LNX1: variants seen among roughly 807,000 people sequenced by gnomAD.
LNX1 encodes the protein ligand of numb-protein X 1, also known as E3 ubiquitin-protein ligase LNX.
Under a neutral mutation model 68.4 loss-of-function variants are expected in LNX1, and 54 were observed. The observed-to-expected ratio is 0.79, with a 90% CI of 0.63 to 0.99. LNX1 has a LOEUF of 0.99. Ranked by LOEUF, LNX1 falls within the 50% of genes least tolerant of loss-of-function variation. The pLI is 0.00. For synonymous variants in LNX1, 336 were observed against 350.0 expected, an observed-to-expected ratio of 0.96 and a Z score of 0.45; for missense variants, 906 against 926.4, an observed-to-expected ratio of 0.98 and a Z score of 0.29.
chr4:53,532,095 T>C (rs532379043), intron 2 of LNX1, among the ~76,000 whole-genome samples: 1 of 152,342 alleles, frequency 6.6e-6, no homozygotes, highest in South Asian at 2.1e-4. Flanking sequence ...TATTTCTAAA[T>C]ACAACTATGC....
chr4:53,477,492 A>T (rs538211917), intron 8 of LNX1, among the ~76,000 whole-genome samples: 1 of 152,170 alleles, frequency 6.6e-6, no homozygotes, highest in Non-Finnish European at 1.5e-5. Flanking sequence ...AAACATTTTC[A>T]TTGCTAAGGT....
intron 2 of LNX1, among the ~76,000 whole-genome samples, chr4:53,548,900 T>C (rs1349504708): frequency 6.6e-6 from 1 of 152,236 alleles, no homozygotes; most frequent in Non-Finnish European, 1.5e-5. Flanking sequence ...TGGAGGCTAC[T>C]ATCCTTAGCA....
intron 2 of LNX1, among the ~76,000 whole-genome samples, chr4:53,564,372 C>T (rs1730496911): frequency 3.3e-5 from 5 of 152,190 alleles, no homozygotes; most frequent in Admixed American, 3.3e-4. Flanking sequence ...ACCCTCAGAT[C>T]CACACACCAT....
chr4:53,486,579 G>A (rs1184836687), intron 6 of LNX1, among the ~76,000 whole-genome samples: 5 of 152,098 alleles, frequency 3.3e-5, no homozygotes, highest in Non-Finnish European at 7.3e-5. Context: ...CCTACTGCAG[G>A]GACAGTCAGA....
chr4:53,464,322 T>C (rs1722480206), intron 9 of LNX1, among the ~76,000 whole-genome samples: 1 of 152,080 alleles, frequency 6.6e-6, no homozygotes, highest in South Asian at 2.1e-4. Flanking sequence ...ATCAGGTACC[T>C]CTCAGTCTGT....
chr4:53,563,975 G>A (rs1311655981), intron 2 of LNX1, among the ~76,000 whole-genome samples: 2 of 152,256 alleles, frequency 1.3e-5, no homozygotes, highest in African/African-American at 4.8e-5. Flanking sequence ...AAGCAGAAGT[G>A]TGGAGGCTTG....
intron 1 of LNX1, among the ~76,000 whole-genome samples, chr4:53,631,895 C>T (rs967442144): frequency 2.6e-5 from 4 of 151,614 alleles, no homozygotes; most frequent in Non-Finnish European, 5.9e-5. Context: ...ATCCTTGACT[C>T]GGTGTAATTC....
intron 6 of LNX1, among the ~76,000 whole-genome samples, chr4:53,485,231 A>G (rs1470144609): frequency 6.6e-6 from 1 of 152,222 alleles, no homozygotes; most frequent in African/African-American, 2.4e-5. Context: ...CAAAACCCCA[A>G]TTACTGAGCT....
intron 1 of LNX1, among the ~76,000 whole-genome samples, chr4:53,576,967 A>T (rs1298696674): frequency 6.6e-6 from 1 of 152,252 alleles, no homozygotes; most frequent in Admixed American, 6.5e-5. Context: ...TCTAGTGAAG[A>T]GGTTGCTGGC....
At chr4:53,566,793 G>A in intron 2 of LNX1, among the ~76,000 whole-genome samples, 1 of 149,470 alleles carries the variant, frequency 6.7e-6, no homozygotes, top group East Asian at 2.0e-4. Flanking sequence ...AAAATAAAAG[G>A]ATGGAGGAAG....
intron 2 of LNX1, among the ~76,000 whole-genome samples, chr4:53,543,183 G>A (rs557322863): frequency 3.3e-4 from 50 of 152,312 alleles, no homozygotes; most frequent in African/African-American, 8.9e-4. Context: ...TTATCCGAAG[G>A]TCAGTTGCCC....
chr4:53,504,336 G>A (rs1725720999), intron 4 of LNX1, among the ~76,000 whole-genome samples: 1 of 152,224 alleles, frequency 6.6e-6, no homozygotes, highest in South Asian at 2.1e-4. Flanking sequence ...TAAACCTCAT[G>A]AACCAATCTC....
At chr4:53,583,205 G>T in intron 1 of LNX1, among the ~76,000 whole-genome samples, 1 of 152,206 alleles carries the variant, frequency 6.6e-6, no homozygotes, top group Non-Finnish European at 1.5e-5. Context: ...AGGATGGGCA[G>T]TGTTCTGTGG....
chr4:53,596,856 CTTG>C (rs1732777445), intron 2 of LNX1, among the ~76,000 whole-genome samples: 1 of 152,176 alleles, frequency 6.6e-6, no homozygotes, highest in Admixed American at 6.5e-5. Context: ...CCCCTTAGAT[CTTG>C]TTATCACCCC....
At position 53,602,211 on chromosome 4, in the gene LNX1, A is replaced by G. The variant is rs181500051; in HGVS notation, c.-214-10696T>C. ...ATGGATCCAAATCTGTGACCTTGAC[A>G]TCACCATCTATTCTAGGTCCTGCAA... On this transcript the variant is annotated intron_variant, in intron 2 of 3. Coordinates refer to the LNX1 transcript ENST00000504299. Among the ~76,000 whole-genome samples the G allele has an allele frequency of 2.9e-3, 440 of 152,310 alleles. 3 individuals carry two copies. The highest frequency in any genetic ancestry group is 5.1e-3 in the Admixed American group (78 of 15,300).
At chr4:53,567,329 G>A (rs1238185346) in intron 2 of LNX1, among the ~76,000 whole-genome samples, 2 of 147,808 alleles carry the variant, frequency 1.4e-5, no homozygotes, top group African/African-American at 2.5e-5. Context: ...CTAGAACTCA[G>A]GATTAAGAAT....
chr4:53,547,232 G>A (rs960900074), intron 2 of LNX1, among the ~76,000 whole-genome samples: 21 of 152,166 alleles, frequency 1.4e-4, no homozygotes, highest in Non-Finnish European at 1.0e-4. Flanking sequence ...ATTTACAGGA[G>A]ACATTAAGAA....
chr4:53,497,693 G>A (rs1725166137), intron 5 of LNX1, among the ~76,000 whole-genome samples: 1 of 152,224 alleles, frequency 6.6e-6, no homozygotes, highest in African/African-American at 2.4e-5. Context: ...GTTTCCACTA[G>A]AACTGGGAGG....
At chr4:53,487,505 A>C (rs567095633) in intron 6 of LNX1, among the ~76,000 whole-genome samples, 1 of 152,340 alleles carries the variant, frequency 6.6e-6, no homozygotes, top group South Asian at 2.1e-4. Flanking sequence ...AAGAAAGTTA[A>C]GAGTTGCCAC....
Sources: allele counts gnomAD v4.1 joint callset (sites outside exome capture counted in the v4.1 genomes callset), GRCh38; gene constraint gnomAD v4.1.1; transcripts MANE v1.5; gene names NCBI Gene and HGNC (gene_info 2026-07-23, HGNC 2026-07-21).